PPARGC1A: variants seen among roughly 807,000 people sequenced by gnomAD.
The protein encoded by PPARGC1A is PPARG coactivator 1 alpha.
Under a neutral mutation model 88.7 loss-of-function variants are expected in PPARGC1A, and 25 were observed. That is an observed-to-expected ratio of 0.28 (90% confidence interval 0.21 to 0.39). PPARGC1A has a LOEUF of 0.39. PPARGC1A is among the 10% of genes least tolerant of loss of function. The pLI, the probability that PPARGC1A is intolerant of heterozygous loss-of-function variation, is 1.00. For missense variants in PPARGC1A, 880 were observed against 968.7 expected (o/e 0.91, Z 1.22); for synonymous variants, 363 against 355.6 (o/e 1.02, Z -0.24).
chr4:24,150,580 C>T, the PPARGC1A span, among the ~76,000 whole-genome samples: 2 of 152,130 alleles, frequency 1.3e-5, no homozygotes, highest in Admixed American at 1.3e-4. Flanking sequence ...TGCCAGTAAA[C>T]TCTAAAATAA....
intron 2 of PPARGC1A, among the ~76,000 whole-genome samples, chr4:23,842,591 G>A (rs559275960): frequency 6.6e-5 from 10 of 152,100 alleles, no homozygotes; most frequent in African/African-American, 2.4e-4. Flanking sequence ...TTGTTTTGGG[G>A]GCTGTCCTGT....
chr4:23,909,356 T>C, the PPARGC1A span, among the ~76,000 whole-genome samples: 24 of 152,316 alleles, frequency 1.6e-4, no homozygotes, highest in Admixed American at 9.8e-4. Flanking sequence ...GTTGGGCTTG[T>C]GCATTGCTGG....
the PPARGC1A span, among the ~76,000 whole-genome samples, chr4:24,183,552 G>A: frequency 2.0e-3 from 306 of 152,310 alleles, 2 homozygotes; most frequent in African/African-American, 7.0e-3. Context: ...TTAGACACCC[G>A]GTGTGTTTCC....
the PPARGC1A span, among the ~76,000 whole-genome samples, chr4:24,378,825 C>A: frequency 1.8e-3 from 278 of 152,188 alleles, no homozygotes; most frequent in African/African-American, 6.1e-3. Context: ...CTCTTAGCAA[C>A]CCTCACTCTC....
At chr4:24,104,289 C>T in the PPARGC1A span, among the ~76,000 whole-genome samples, 1 of 152,158 alleles carries the variant, frequency 6.6e-6, no homozygotes. Context: ...CTTCTTGCAG[C>T]TTCAGTGCTT....
the PPARGC1A span, among the ~76,000 whole-genome samples, chr4:24,041,462 G>C: frequency 6.7e-6 from 1 of 149,794 alleles, no homozygotes; most frequent in Non-Finnish European, 1.5e-5. Context: ...GCTAGCCCTA[G>C]GGGAGTCATC....
the PPARGC1A span, among the ~76,000 whole-genome samples, chr4:24,058,310 G>C: frequency 6.6e-6 from 1 of 152,160 alleles, no homozygotes; most frequent in Non-Finnish European, 1.5e-5. Context: ...TTTTTAAAGT[G>C]AGACAGTTCT....
intron 2 of PPARGC1A, among the ~76,000 whole-genome samples, chr4:23,844,420 ATATAT>A (rs1441622441): frequency 1.2e-4 from 14 of 112,254 alleles, no homozygotes; most frequent in African/African-American, 3.6e-4. Flanking sequence ...ATAATATATA[ATATAT>A]TATATATATT....
intron 10 of PPARGC1A, among the ~76,000 whole-genome samples, chr4:23,808,950 GTTTT>G: frequency 6.8e-6 from 1 of 148,138 alleles, no homozygotes; most frequent in African/African-American, 2.5e-5. Context: ...ATTTCTGAAG[GTTTT>G]TTTTTTCATT....
chr4:24,014,010 G>A, the PPARGC1A span, among the ~76,000 whole-genome samples: 5 of 152,146 alleles, frequency 3.3e-5, no homozygotes, highest in Non-Finnish European at 7.4e-5. Flanking sequence ...GCAGCCACAC[G>A]CCTTCTTCCT....
the PPARGC1A span, among the ~76,000 whole-genome samples, chr4:24,042,926 T>C: frequency 6.6e-6 from 1 of 152,216 alleles, no homozygotes; most frequent in Non-Finnish European, 1.5e-5. Context: ...CATTATTTTC[T>C]TTGTTAACAA....
chr4:24,210,653 G>A, the PPARGC1A span, among the ~76,000 whole-genome samples: 14 of 152,220 alleles, frequency 9.2e-5, no homozygotes, highest in African/African-American at 3.1e-4. Flanking sequence ...AATTGCAAGG[G>A]CATGTGGCCC....
the PPARGC1A span, among the ~76,000 whole-genome samples, chr4:24,074,866 A>G: frequency 2.8e-3 from 419 of 152,260 alleles, 5 homozygotes; most frequent in East Asian, 0.052. Flanking sequence ...AGAGTGCAAT[A>G]AATGGGACAC....
At chr4:23,846,164 C>T (rs1047270268) in intron 2 of PPARGC1A, among the ~76,000 whole-genome samples, 7 of 152,114 alleles carry the variant, frequency 4.6e-5, no homozygotes, top group South Asian at 2.1e-4. Context: ...ATTTACAGAA[C>T]GATGAAAAGG....
the PPARGC1A span, among the ~76,000 whole-genome samples, chr4:23,911,144 A>G: frequency 1.3e-5 from 2 of 152,160 alleles, no homozygotes; most frequent in Admixed American, 1.3e-4. Flanking sequence ...AGTGAAATGC[A>G]ACAGAGAAAC....
At chr4:24,364,757 C>T in the PPARGC1A span, among the ~76,000 whole-genome samples, 6 of 151,624 alleles carry the variant, frequency 4.0e-5, no homozygotes, top group African/African-American at 1.5e-4. Context: ...ACATGTAGAC[C>T]CATATATATG....
upstream of PPARGC1A, among the ~76,000 whole-genome samples, chr4:23,901,197 C>A (rs1336197123): frequency 6.6e-6 from 1 of 152,094 alleles, no homozygotes; most frequent in Non-Finnish European, 1.5e-5. Context: ...GAAACCCCAT[C>A]TCTACTAAAA....
At chr4:24,290,094 C>A in the PPARGC1A span, among the ~76,000 whole-genome samples, 1 of 152,164 alleles carries the variant, frequency 6.6e-6, no homozygotes, top group Non-Finnish European at 1.5e-5. Flanking sequence ...AAAACCCACC[C>A]CCATGATTCA....
the PPARGC1A span, among the ~76,000 whole-genome samples, chr4:24,194,766 G>T: frequency 6.6e-6 from 1 of 152,020 alleles, no homozygotes; most frequent in African/African-American, 2.4e-5. Context: ...CCTTTAAAAT[G>T]ATTGTTTCAT....
Sources: allele counts gnomAD v4.1 joint callset (sites outside exome capture counted in the v4.1 genomes callset), GRCh38; gene constraint gnomAD v4.1.1; transcripts MANE v1.5; gene names NCBI Gene and HGNC (gene_info 2026-07-23, HGNC 2026-07-21).